The following ADGRB3 variants were observed in gnomAD, a reference collection of about 807,000 sequenced individuals.
ADGRB3 encodes adhesion G protein-coupled receptor B3, also known as brain-specific angiogenesis inhibitor 3.
Under a neutral mutation model 193.4 loss-of-function variants are expected in ADGRB3, and 37 were observed. That is an observed-to-expected ratio of 0.19 (90% confidence interval 0.15 to 0.25). The LOEUF is 0.25. ADGRB3 is among the 10% of genes least tolerant of loss of function. The pLI, the probability that ADGRB3 is intolerant of heterozygous loss-of-function variation, is 1.00. For missense variants in ADGRB3, 1,637 were observed against 1,852.9 expected, an observed-to-expected ratio of 0.88 and a Z score of 2.14; for synonymous variants, 690 against 644.2, an observed-to-expected ratio of 1.07 and a Z score of -1.08.
At chr6:69,048,061 C>T (rs1771288610) in intron 13 of ADGRB3, 124 bp from the exon 14 acceptor site, 6 of 1,048,198 alleles carry the variant, frequency 5.7e-6, no homozygotes, top group Admixed American at 2.6e-5. Context: ...TTTTGTTGCT[C>T]TGATAAATAC....
intron 20 of ADGRB3, among the ~76,000 whole-genome samples, chr6:69,258,669 T>C (rs1412838265): frequency 1.3e-5 from 2 of 152,238 alleles, no homozygotes; most frequent in East Asian, 1.9e-4. Flanking sequence ...GGGTGACTTA[T>C]AATGGGAAAT....
rs188400035 is a variant in ADGRB3, at chr6:68,872,537, C to A, written c.758-58022C>A. 7.9e-5 allele frequency among the ~76,000 whole-genome samples: 12 copies of A among 152,088 alleles called. No individual in the cohort carries two copies. In the East Asian group the frequency reaches 2.1e-3, roughly 27 times the overall value. The stretch of plus-strand genomic sequence containing the variant: ...AAATGTTTCATCTTTCTTCAATTCC[C>A]TTAAGTAATAGTGTTATTAAATTCT... On this transcript the variant is annotated intron_variant, in intron 3 of 31. Coordinates refer to ENST00000370598, the MANE Select transcript of ADGRB3 (RefSeq NM_001704.3).
intron 17 of ADGRB3, among the ~76,000 whole-genome samples, chr6:69,153,916 C>T (rs1357514833): frequency 3.3e-5 from 5 of 151,960 alleles, no homozygotes; most frequent in Admixed American, 2.6e-4. Flanking sequence ...TGGTGTGAAC[C>T]CGGGAGGCAG....
At chr6:69,109,089 A>C (rs1773296814) in intron 17 of ADGRB3, among the ~76,000 whole-genome samples, 1 of 152,208 alleles carries the variant, frequency 6.6e-6, no homozygotes, top group Non-Finnish European at 1.5e-5. Flanking sequence ...GGGTTACAGT[A>C]TCTGATTTAT....
intron 3 of ADGRB3, among the ~76,000 whole-genome samples, chr6:68,876,957 C>T (rs1181377947): frequency 2.0e-5 from 3 of 151,948 alleles, no homozygotes; most frequent in Non-Finnish European, 4.4e-5. Context: ...GCTCAAGTGG[C>T]TATATGTTAA....
At chr6:69,232,821 G>T (rs1283790347) in intron 17 of ADGRB3, among the ~76,000 whole-genome samples, 1 of 152,174 alleles carries the variant, frequency 6.6e-6, no homozygotes, top group Non-Finnish European at 1.5e-5. Context: ...TTTTAGTCAG[G>T]CTTTTCAAAG....
intron 6 of ADGRB3, among the ~76,000 whole-genome samples, chr6:68,946,254 G>T (rs1385571244): frequency 1.3e-5 from 2 of 152,024 alleles, no homozygotes; most frequent in Non-Finnish European, 2.9e-5. Context: ...AAATATGTAG[G>T]TTTATTTGGT....
chr6:69,201,928 G>C (rs971489128), intron 17 of ADGRB3, among the ~76,000 whole-genome samples: 1 of 151,922 alleles, frequency 6.6e-6, no homozygotes, highest in Non-Finnish European at 1.5e-5. Context: ...CAGAAATATG[G>C]CATCACCATC....
chr6:69,176,150 C>T (rs1291303756), intron 17 of ADGRB3, among the ~76,000 whole-genome samples: 1 of 151,988 alleles, frequency 6.6e-6, no homozygotes, highest in Admixed American at 6.6e-5. Context: ...CCTGATTTAT[C>T]CAGCAAGTAC....
chr6:69,134,399 G>A (rs563314519), intron 17 of ADGRB3, among the ~76,000 whole-genome samples: 2 of 152,030 alleles, frequency 1.3e-5, no homozygotes, highest in Non-Finnish European at 2.9e-5. Flanking sequence ...ACATTACATT[G>A]TTGTCTCAGC....
At chr6:69,048,818 G>A (rs1170821690) in intron 14 of ADGRB3, among the ~76,000 whole-genome samples, 1 of 151,858 alleles carries the variant, frequency 6.6e-6, no homozygotes, top group African/African-American at 2.4e-5. Flanking sequence ...GTAACAAACC[G>A]GCACATGTAC....
intron 11 of ADGRB3, among the ~76,000 whole-genome samples, chr6:69,013,153 T>C (rs3799007): frequency 0.057 from 8,697 of 152,090 alleles, 257 homozygotes; most frequent in Middle Eastern, 0.082. Context: ...CACAGTGTAG[T>C]GTGAAGGGAA....
At chr6:69,286,832 GC>G (rs1767563023) in intron 20 of ADGRB3, among the ~76,000 whole-genome samples, 1 of 152,166 alleles carries the variant, frequency 6.6e-6, no homozygotes, top group South Asian at 2.1e-4. Flanking sequence ...TTCTTCACAT[GC>G]TATTGAGAAT....
intron 17 of ADGRB3, among the ~76,000 whole-genome samples, chr6:69,095,082 T>C (rs1221230739): frequency 6.6e-6 from 1 of 152,218 alleles, no homozygotes; most frequent in Non-Finnish European, 1.5e-5. Flanking sequence ...TTTGTTCCAA[T>C]TATTCCAAGT....
intron 20 of ADGRB3, among the ~76,000 whole-genome samples, chr6:69,263,390 C>T (rs960825370): frequency 2.0e-5 from 3 of 151,988 alleles, no homozygotes; most frequent in African/African-American, 7.2e-5. Context: ...GAGATATTTT[C>T]GCATGATGGC....
intron 3 of ADGRB3, among the ~76,000 whole-genome samples, chr6:68,887,058 A>AAT (rs201706226): frequency 2.3e-3 from 353 of 150,930 alleles, no homozygotes; most frequent in Middle Eastern, 6.9e-3. Context: ...CTCTGTTGTA[A>AAT]ATATATATAT....
intron 3 of ADGRB3, among the ~76,000 whole-genome samples, chr6:68,891,121 C>G (rs1766065014): frequency 6.6e-6 from 1 of 152,014 alleles, no homozygotes; most frequent in Non-Finnish European, 1.5e-5. Context: ...TGGCAGCAGG[C>G]AAAGAGAGAA....
At chr6:69,274,835 G>C (rs981016201) in intron 20 of ADGRB3, among the ~76,000 whole-genome samples, 16 of 152,208 alleles carry the variant, frequency 1.1e-4, no homozygotes, top group African/African-American at 2.9e-4. Context: ...AGGAGGGTCT[G>C]TGCAGAACGG....
In ADGRB3 at chr6:69,339,513, C is replaced by T. The variant is rs762384435; in HGVS notation, c.3459+9C>T. The T allele has an allele frequency of 1.2e-6, 2 of 1,610,120 alleles. No individual in the cohort carries two copies. Among genetic ancestry groups the T allele is most frequent in the South Asian group, 1.1e-5 (1 of 90,832 alleles). On this transcript the variant is annotated intron_variant, in intron 26 of 31. Transcript: ENST00000370598. ...GCATTCTTCGGAGAGAGGTGAGAAG[C>T]ATTCTTGTGATAGAGAACAGTGATG...
Sources: allele counts gnomAD v4.1 joint callset (sites outside exome capture counted in the v4.1 genomes callset), GRCh38; gene constraint gnomAD v4.1.1; transcripts MANE v1.5; gene names NCBI Gene and HGNC (gene_info 2026-07-23, HGNC 2026-07-21).